TEX14: variants seen among roughly 807,000 people sequenced by gnomAD.
TEX14 encodes the protein testis expressed 14, intercellular bridge forming factor, also known as inactive serine/threonine-protein kinase TEX14.
TEX14 carries 168 observed loss-of-function variants against 178.6 expected under a neutral mutation model. The ratio of observed to expected loss-of-function variants is 0.94; its 90% CI spans 0.83 to 1.07. The LOEUF (loss-of-function observed/expected upper bound fraction) is 1.07, where lower values mean the gene tolerates loss of function less well. Ranked by LOEUF, TEX14 falls within the 50% of genes least tolerant of loss-of-function variation. TEX14 has a pLI of 0.00. For synonymous variants in TEX14, 626 were observed against 634.1 expected, an observed-to-expected ratio of 0.99 and a Z score of 0.19; for missense variants, 1,730 against 1,753.6, an observed-to-expected ratio of 0.99 and a Z score of 0.24.
chr17:58,569,133 G>T lies in TEX14; in HGVS notation c.3886+59C>A. ...ACACTTGAGACAAAGACACCATACT[G>T]TGGTCAGTGACATAACTAACAGGGC... is the stretch of plus-strand genomic sequence containing the variant. On this transcript the variant is annotated intron_variant, in intron 26 of 31. Transcript: ENST00000349033. The surrounding 1 kb of genome is among the most constrained non-coding windows in gnomAD (Gnocchi z 4.1). The T allele has an allele frequency of 1.5e-6, 2 of 1,353,832 alleles. No homozygotes were observed. The highest frequency in any genetic ancestry group is 2.1e-6 in the Non-Finnish European group (2 of 947,888). The allele number at this position is 1,353,832 out of a possible 1,614,324, so 83.9% of individuals were successfully genotyped here.
intron 2 of TEX14, chr17:58,631,826 A>G (rs778444160): frequency 6.0e-5 from 9 of 148,868 alleles, no homozygotes; most frequent in Non-Finnish European, 1.0e-4. Flanking sequence ...TATCCCTCAA[A>G]ATATAGTCTT....
chr17:58,593,704 T>C (rs1051861559), intron 14 of TEX14, 43 bp from the exon 15 acceptor site: 1 of 1,455,452 alleles, frequency 6.9e-7, no homozygotes, highest in Non-Finnish European at 9.7e-7. Context: ...GATGAGAGAA[T>C]TCCCACTCTC....
intron 18 of TEX14, among the ~76,000 whole-genome samples, chr17:58,585,409 A>G (rs1034078324): frequency 6.6e-6 from 1 of 152,070 alleles, no homozygotes; most frequent in African/African-American, 2.4e-5. Flanking sequence ...AATATGCTGG[A>G]AAGTTTACTT....
chr17:58,631,208 T>G lies in TEX14; in HGVS notation c.137-654A>C, dbSNP rs373654635. On this transcript the variant is annotated intron_variant, in intron 2 of 31. Transcript: ENST00000349033. ...GAGGCGCAGTGGCTCACGCCTGTAA[T>G]GCCAGCTCTTTGGGAAGCCGAGGCG... 1.2e-4 allele frequency: 111 copies of G among 922,030 alleles called. 2 individuals carry two copies. The East Asian group carries it at 0.011, about 90-fold the overall frequency. 57.1% of individuals were successfully genotyped at this position (922,030 alleles called of 1,614,324 possible).
intron 28 of TEX14, 67 bp downstream of exon 28, chr17:58,564,802 A>G (rs538657118): frequency 2.1e-6 from 2 of 971,720 alleles, no homozygotes; most frequent in East Asian, 5.4e-5. Flanking sequence ...TGTCAATATT[A>G]GAAAAAAACC....
chr17:58,686,259 T>G (rs1481603080), intron 1 of TEX14, among the ~76,000 whole-genome samples: 1 of 152,128 alleles, frequency 6.6e-6, no homozygotes, highest in Non-Finnish European at 1.5e-5. Flanking sequence ...GATCTCTTTC[T>G]TGAGCCCAGG....
At chr17:58,680,930 G>T (rs1318337241) in intron 1 of TEX14, among the ~76,000 whole-genome samples, 2 of 151,240 alleles carry the variant, frequency 1.3e-5, no homozygotes, top group Non-Finnish European at 2.9e-5. Flanking sequence ...TTTTTTCCTT[G>T]TCACTGACTT....
intron 2 of TEX14, among the ~76,000 whole-genome samples, chr17:58,640,886 A>AT (rs1234136102): frequency 1.3e-5 from 2 of 151,800 alleles, no homozygotes; most frequent in East Asian, 3.9e-4. Flanking sequence ...AGTCTGGATA[A>AT]TTTTTTTGCT....
At chr17:58,673,488 TAA>T (rs1491181106) in intron 1 of TEX14, among the ~76,000 whole-genome samples, 1 of 126,886 alleles carries the variant, frequency 7.9e-6, no homozygotes, top group African/African-American at 3.3e-5. Flanking sequence ...ATCTCAAAAA[TAA>T]ATAAATAAAT....
At chr17:58,603,221 T>C (rs1441658055) in intron 11 of TEX14, among the ~76,000 whole-genome samples, 1 of 151,562 alleles carries the variant, frequency 6.6e-6, no homozygotes, top group Non-Finnish European at 1.5e-5. Flanking sequence ...TCATCTCATG[T>C]ATATTGTCAT....
At chr17:58,571,622 G>A (rs1294918240) in intron 24 of TEX14, among the ~76,000 whole-genome samples, 1 of 152,134 alleles carries the variant, frequency 6.6e-6, no homozygotes, top group African/African-American at 2.4e-5. Context: ...TAGAAGAAGA[G>A]GAGGAGAAGA....
At chr17:58,628,150 T>C (rs1273176516) in intron 3 of TEX14, among the ~76,000 whole-genome samples, 1 of 152,066 alleles carries the variant, frequency 6.6e-6, no homozygotes, top group Non-Finnish European at 1.5e-5. Flanking sequence ...CACAACAAAA[T>C]GTTCATTGTT....
chr17:58,670,247 G>A (rs999351931), intron 1 of TEX14, among the ~76,000 whole-genome samples: 2 of 152,022 alleles, frequency 1.3e-5, no homozygotes, highest in Admixed American at 6.6e-5. Flanking sequence ...ACAGACTGTC[G>A]AAGGACCTGA....
chr17:58,638,289 G>A (rs1042310558), intron 2 of TEX14, among the ~76,000 whole-genome samples: 1 of 151,912 alleles, frequency 6.6e-6, no homozygotes, highest in Non-Finnish European at 1.5e-5. Context: ...CGGGACACTT[G>A]CTTGAGCCCA....
At chr17:58,587,843 A>ACCCCCCCCCACCCC in intron 16 of TEX14, 53 bp downstream of exon 16, 1 of 1,118,850 alleles carries the variant, frequency 8.9e-7, no homozygotes, top group Non-Finnish European at 1.4e-6. Context: ...GGGTGCCAGA[A>ACCCCCCCCCACCCC]CCCACCCCCA....
At chr17:58,663,968 G>A (rs1831816145) in intron 1 of TEX14, among the ~76,000 whole-genome samples, 1 of 152,152 alleles carries the variant, frequency 6.6e-6, no homozygotes, top group Non-Finnish European at 1.5e-5. Flanking sequence ...ACCTGAGTTT[G>A]GGAAGGTGGA....
chr17:58,624,973 T>C (rs536281218), intron 3 of TEX14, among the ~76,000 whole-genome samples: 2 of 152,338 alleles, frequency 1.3e-5, no homozygotes, highest in Non-Finnish European at 2.9e-5. Flanking sequence ...CACAGGCTTA[T>C]AGGAACCACT....
intron 19 of TEX14, among the ~76,000 whole-genome samples, chr17:58,582,556 C>A (rs909418464): frequency 2.6e-5 from 4 of 151,260 alleles, no homozygotes; most frequent in African/African-American, 9.7e-5. Context: ...CACACCCGGC[C>A]TGCAAATTTC....
In TEX14 at chr17:58,572,088, G is replaced by A. The variant is rs1308220893; in HGVS notation, c.3550C>T (p.Leu1184Phe). The stretch of plus-strand genomic sequence containing the variant: ...TTAACCTGAAATGTGATACTTTCAA[G>A]GCAGTCTTTATACTGACTGGCAGCT... ...SSAASQYKDC[L>F]ESITFQVKTE... The change falls in exon 24 of 32, where the codon CTT (leucine) becomes TTT (phenylalanine). Residue 1184 changes from leucine to phenylalanine, a missense_variant. By Grantham distance (22) the Leu-to-Phe change is conservative. Coordinates refer to ENST00000349033, the MANE Select transcript of TEX14 (RefSeq NM_031272.5). 6.2e-7 allele frequency: 1 copy of A among 1,614,076 alleles called. No homozygotes were observed. Among genetic ancestry groups the A allele is most frequent in the Admixed American group, 1.7e-5 (1 of 60,014 alleles).
Sources: gnomAD v4.1 joint callset for allele counts (sites outside exome capture counted in the v4.1 genomes callset) on GRCh38, gnomAD v4.1.1 for gene constraint, Gnocchi (gnomAD v3.1) non-coding constraint, MANE v1.5 for transcripts, NCBI Gene and HGNC (gene_info 2026-07-23, HGNC 2026-07-21) for gene names.